The following CRYBB2 variants were observed in gnomAD, a reference collection of about 807,000 sequenced individuals.
CRYBB2 encodes crystallin beta B2.
A neutral mutation model predicts 24.3 loss-of-function variants in CRYBB2; 12 were observed. That is an observed-to-expected ratio of 0.49 (90% CI 0.32 to 0.80). The LOEUF (loss-of-function observed/expected upper bound fraction) is 0.80. Ranked by LOEUF, CRYBB2 falls within the 30% of genes least tolerant of loss-of-function variation. The probability of loss-of-function intolerance (pLI) is 0.04; values close to 1 mark genes in which losing one functional copy is unlikely to be tolerated. For missense variants in CRYBB2, 198 were observed against 268.5 expected, an observed-to-expected ratio of 0.74 and a Z score of 1.83; for synonymous variants, 98 against 101.6, an observed-to-expected ratio of 0.96 and a Z score of 0.21.
At chr22:25,216,717 A>G (rs1248067192), upstream of CRYBB2, among the ~76,000 whole-genome samples, 2 of 152,110 alleles carry the variant, frequency 1.3e-5, no homozygotes, top group Non-Finnish European at 2.9e-5. Context: ...CATCACCACT[A>G]TCCATCCCCA....
upstream of CRYBB2, among the ~76,000 whole-genome samples, chr22:25,215,757 TC>T (rs1601413924): frequency 1.3e-5 from 2 of 152,238 alleles, no homozygotes; most frequent in Non-Finnish European, 2.9e-5. Context: ...TCCTACCACT[TC>T]CTGGCTGTGT....
At chr22:25,225,500 G>A (rs902762507) in intron 3 of CRYBB2, among the ~76,000 whole-genome samples, 5 of 151,378 alleles carry the variant, frequency 3.3e-5, no homozygotes, top group Admixed American at 6.6e-5. Flanking sequence ...CCCGAATCCT[G>A]ACAATGCTGG....
In CRYBB2 at chr22:25,224,953, C is replaced by A; in HGVS notation, c.90C>A (p.His30Gln). The change falls in exon 3 of 6, where the codon CAC (histidine) becomes CAA (glutamine). Residue 30 changes from histidine (H) to glutamine (Q), a missense_variant. His to Gln is a conservative substitution (Grantham distance 24). Coordinates refer to ENST00000398215, the MANE Select transcript of CRYBB2 (RefSeq NM_000496.3). ...IIFEQENFQG[H>Q]SHELNGPCPN... is the part of the protein sequence containing the mutation. ...TTGAGCAGGAAAACTTTCAAGGCCA[C>A]TCGCATGAGCTCAATGGGCCCTGCC... The A allele has an allele frequency of 6.2e-7, 1 of 1,612,084 alleles. No individual in the cohort carries two copies. Among genetic ancestry groups the A allele is most frequent in the Non-Finnish European group, 8.5e-7 (1 of 1,178,098 alleles).
At chr22:25,216,203 A>T (rs534340201), upstream of CRYBB2, among the ~76,000 whole-genome samples, 85 of 152,340 alleles carry the variant, frequency 5.6e-4, no homozygotes, top group South Asian at 5.4e-3. Context: ...TGTGTCCATA[A>T]AAGATATTCC....
rs777085927 is a variant in CRYBB2, at chr22:25,229,567, G to A, written c.438G>A (p.Val146=). 6.2e-7 allele frequency: 1 copy of A among 1,614,290 alleles called. No individual in the cohort carries two copies. The highest frequency in any genetic ancestry group is 1.6e-4 in the Middle Eastern group (1 of 6,062). ...GYQEKVSSVR[V]QSGTWVGYQY... ...AGGAGAAGGTGTCATCTGTGCGGGTGCAGAGTGGCACGTAAGTGCGTTGCC... is the reference window on the plus strand; with the variant it reads ...AGGAGAAGGTGTCATCTGTGCGGGTACAGAGTGGCACGTAAGTGCGTTGCC... Residue 146 remains valine (V), a synonymous_variant, in exon 5 of 6, where the codon GTG becomes GTA. Transcript: ENST00000398215.
At chr22:25,215,545 T>C (rs554669167), upstream of CRYBB2, among the ~76,000 whole-genome samples, 3 of 144,066 alleles carry the variant, frequency 2.1e-5, no homozygotes, top group African/African-American at 7.5e-5. Flanking sequence ...TCTGTGTGTG[T>C]GTCTTTAATT....
chr22:25,226,168 CTGTG>C (rs3064285), intron 3 of CRYBB2, among the ~76,000 whole-genome samples: 21,132 of 148,942 alleles, frequency 0.14, 1,515 homozygotes, highest in Non-Finnish European at 0.15. Context: ...TTGGATTTCT[CTGTG>C]TGTGTGTGTG....
At chr22:25,224,170 C>G (rs1187143845) in intron 2 of CRYBB2, among the ~76,000 whole-genome samples, 1 of 151,016 alleles carries the variant, frequency 6.6e-6, no homozygotes, top group Non-Finnish European at 1.5e-5. Flanking sequence ...AAGGTGGCAG[C>G]TAGCATCATG....
chr22:25,214,417 G>C (rs1224944434), intron 1 of CRYBB2, among the ~76,000 whole-genome samples: 1 of 152,202 alleles, frequency 6.6e-6, no homozygotes, highest in South Asian at 2.1e-4. Context: ...GACCCTATCT[G>C]TATTGCTCCC....
chr22:25,219,337 C>T (rs142414569), upstream of CRYBB2, among the ~76,000 whole-genome samples: 4 of 152,230 alleles, frequency 2.6e-5, no homozygotes, highest in Admixed American at 6.5e-5. Context: ...CCATGCCTCA[C>T]GGCCTGACTG....
At chr22:25,213,923 C>T (rs12167476) in intron 1 of CRYBB2, among the ~76,000 whole-genome samples, 17,105 of 152,152 alleles carry the variant, frequency 0.11, 1,095 homozygotes, top group South Asian at 0.27. Flanking sequence ...ATTTTCTGAG[C>T]ACCTACTATG....
At chr22:25,227,597 T>C (rs908386107) in intron 3 of CRYBB2, among the ~76,000 whole-genome samples, 13 of 150,572 alleles carry the variant, frequency 8.6e-5, no homozygotes, top group African/African-American at 2.9e-4. Flanking sequence ...TGGTATTTGT[T>C]GCTGGGCCGT....
chr22:25,228,960 G>A (rs1198519473), intron 4 of CRYBB2, among the ~76,000 whole-genome samples: 6 of 151,794 alleles, frequency 4.0e-5, no homozygotes, highest in East Asian at 3.9e-4. Context: ...AAGTGTGTGC[G>A]TGTGTCCATG....
upstream of CRYBB2, among the ~76,000 whole-genome samples, chr22:25,216,452 C>T (rs1245214311): frequency 6.6e-6 from 1 of 152,150 alleles, no homozygotes; most frequent in Non-Finnish European, 1.5e-5. Flanking sequence ...TGATGCACCT[C>T]CCATCCAAGG....
intron 4 of CRYBB2, 122 bp from the exon 5 acceptor site, chr22:25,229,314 C>A: frequency 6.6e-7 from 1 of 1,515,448 alleles, no homozygotes; most frequent in East Asian, 2.4e-5. Flanking sequence ...GTAGTGGGTG[C>A]ACTGGGAAGA....
chr22:25,219,791 T>C (rs1213466440), intron 1 of CRYBB2, 125 bp downstream of exon 1: 1 of 152,174 alleles, frequency 6.6e-6, no homozygotes, highest in Non-Finnish European at 1.5e-5. Flanking sequence ...TTAGCCTCAG[T>C]TTTCTTTTCT....
chr22:25,231,389 G>A (rs1460445969), intron 5 of CRYBB2, among the ~76,000 whole-genome samples: 2 of 151,890 alleles, frequency 1.3e-5, no homozygotes, highest in African/African-American at 4.8e-5. Context: ...GAGGCAGTGA[G>A]CTCCCCATCA....
At chr22:25,219,530 C>T (rs62231427), upstream of CRYBB2, 1 of 152,298 alleles carries the variant, frequency 6.6e-6, no homozygotes, top group Non-Finnish European at 1.5e-5. Flanking sequence ...TTGGTGAGAG[C>T]TTAATCCAGC....
At chr22:25,227,389 T>G (rs137856016) in intron 3 of CRYBB2, among the ~76,000 whole-genome samples, 2,481 of 152,102 alleles carry the variant, frequency 0.016, 81 homozygotes, top group African/African-American at 0.056. Flanking sequence ...TGGTGAAGGC[T>G]GACTGTGCAT....
Sources: allele counts gnomAD v4.1 joint callset (sites outside exome capture counted in the v4.1 genomes callset), GRCh38; gene constraint gnomAD v4.1.1; transcripts MANE v1.5; gene names NCBI Gene and HGNC (gene_info 2026-07-23, HGNC 2026-07-21).